The following COL11A1 variants were observed in gnomAD, a reference collection of about 807,000 sequenced individuals.
The protein encoded by COL11A1 is collagen alpha-1(XI) chain.
Under a neutral mutation model 265.2 loss-of-function variants are expected in COL11A1, and 74 were observed. That is an observed-to-expected ratio of 0.28 (90% CI 0.23 to 0.34). The LOEUF (loss-of-function observed/expected upper bound fraction) is 0.34, where lower values mean the gene tolerates loss of function less well. Ranked by LOEUF, COL11A1 falls within the 10% of genes least tolerant of loss-of-function variation. The probability of loss-of-function intolerance (pLI) is 1.00; values close to 1 mark genes in which losing one functional copy is unlikely to be tolerated. For synonymous variants in COL11A1, 816 were observed against 727.6 expected (o/e 1.12, Z -1.96); for missense variants, 2,165 against 2,263.6 (o/e 0.96, Z 0.88).
chr1:102,983,710 A>G (rs1479472565), intron 31 of COL11A1, among the ~76,000 whole-genome samples: 1 of 152,044 alleles, frequency 6.6e-6, no homozygotes, highest in East Asian at 1.9e-4. Flanking sequence ...GATTTGTCAT[A>G]GCAACCCTGG....
chr1:102,984,166 G>A lies in COL11A1; in HGVS notation c.2528C>T (p.Pro843Leu), dbSNP rs898521905. 6.3e-7 allele frequency: 1 copy of A among 1,599,342 alleles called. No individual in the cohort carries two copies. The highest frequency in any genetic ancestry group is 8.6e-7 in the Non-Finnish European group (1 of 1,169,362). ...EKGKLGVPGL[P>L]GYPGRQGPKG... ...TGGACCTTGTCTTCCTGGATATCCT[G>A]GTAATCCTGGAACTCCAAGTTTTCC... Residue 843 changes from proline (P) to leucine (L), a missense_variant, in exon 31 of 67, where the codon CCA becomes CTA. Physicochemically the swap from Pro to Leu is moderately conservative, Grantham distance 98. Coordinates refer to ENST00000370096, the MANE Select transcript of COL11A1 (RefSeq NM_001854.4).
In COL11A1 at chr1:103,078,855, T is replaced by C. The variant is rs1672182925; in HGVS notation, c.291A>G (p.Glu97=). The C allele has an allele frequency of 1.9e-6, 3 of 1,609,492 alleles. No individual in the cohort carries two copies. Among genetic ancestry groups the C allele is most frequent in the Non-Finnish European group, 2.5e-6 (3 of 1,176,934 alleles). ...KQLFPGGTFP[E]DFSILFTVKP... ...TTACTGTAAATAGTATTGAAAAGTC[T>C]TCTGGGAAAGTTCCACCTGAGAAGA... is the stretch of plus-strand genomic sequence containing the variant. The change falls in exon 3 of 67, where the codon GAA becomes GAG. Residue 97 remains glutamate (E), a synonymous_variant. Transcript: ENST00000370096.
intron 4 of COL11A1, among the ~76,000 whole-genome samples, chr1:103,050,508 T>G (rs909282741): frequency 2.0e-5 from 3 of 152,186 alleles, no homozygotes; most frequent in African/African-American, 7.2e-5. Flanking sequence ...TCGTCTAATT[T>G]TTTTTCAAAG....
intron 45 of COL11A1, 35 bp downstream of exon 45, chr1:102,935,025 G>A: frequency 6.9e-6 from 11 of 1,605,812 alleles, no homozygotes; most frequent in East Asian, 2.2e-5. Context: ...GGAGCTGTAA[G>A]GATTTAGATT....
chr1:102,978,085 A>G (rs1662675363), intron 35 of COL11A1, among the ~76,000 whole-genome samples: 1 of 152,172 alleles, frequency 6.6e-6, no homozygotes, highest in Non-Finnish European at 1.5e-5. Context: ...TTAAAGGAAT[A>G]CAGATTATAA....
chr1:103,087,423 G>A (rs975266259), intron 1 of COL11A1, among the ~76,000 whole-genome samples: 5 of 152,168 alleles, frequency 3.3e-5, no homozygotes, highest in Non-Finnish European at 7.3e-5. Flanking sequence ...TCACTCTGAT[G>A]TTTAAATTCC....
chr1:102,932,856 T>C (rs1657648707), intron 46 of COL11A1, among the ~76,000 whole-genome samples: 1 of 152,016 alleles, frequency 6.6e-6, no homozygotes, highest in African/African-American at 2.4e-5. Flanking sequence ...CTTCCCTCGC[T>C]GATACCCTTT....
At chr1:102,905,329 A>T (rs901868680) in intron 54 of COL11A1, among the ~76,000 whole-genome samples, 54 of 151,388 alleles carry the variant, frequency 3.6e-4, no homozygotes, top group African/African-American at 1.3e-3. Flanking sequence ...CATATGTAAC[A>T]AACCTACAGG....
At chr1:103,037,539 T>C (rs970614202) in intron 4 of COL11A1, among the ~76,000 whole-genome samples, 1 of 152,168 alleles carries the variant, frequency 6.6e-6, no homozygotes, top group Non-Finnish European at 1.5e-5. Context: ...TTCCATCTGA[T>C]TGAATAATGT....
intron 46 of COL11A1, among the ~76,000 whole-genome samples, chr1:102,931,728 A>C (rs553481835): frequency 6.6e-6 from 1 of 151,990 alleles, no homozygotes; most frequent in Non-Finnish European, 1.5e-5. Flanking sequence ...GTGGGAGTTA[A>C]GTCTCTTTGT....
chr1:103,107,597 G>T (rs138512304), intron 1 of COL11A1, among the ~76,000 whole-genome samples: 97 of 149,212 alleles, frequency 6.5e-4, no homozygotes, highest in Admixed American at 1.6e-3. Flanking sequence ...CTTGGTTGCA[G>T]ACAAAGAACT....
At position 102,946,943 on chromosome 1, in the gene COL11A1, TCTC is replaced by T. The variant is rs1425097423; in HGVS notation, c.3179_3181del (p.Gly1060del). 1 of 1,612,440 alleles carries T rather than the reference TCTC, an allele frequency of 6.2e-7. No homozygotes were observed. Among genetic ancestry groups the T allele is most frequent in the Non-Finnish European group, 8.5e-7 (1 of 1,179,282 alleles). On this transcript the variant is annotated inframe_deletion, in exon 42 of 67. Transcript: ENST00000370096. The stretch of plus-strand genomic sequence containing the variant: ...GCCAGCTGTACCTGCTGACCCACGT[TCTC>T]CTGGTGAGCCCTAGTATACAGGAAA...
chr1:103,005,848 T>C lies in COL11A1; in HGVS notation c.1835A>G (p.Lys612Arg). 1 of 1,614,092 alleles carries C rather than the reference T, an allele frequency of 6.2e-7. No individual in the cohort carries two copies. Among genetic ancestry groups the C allele is most frequent in the Non-Finnish European group, 8.5e-7 (1 of 1,179,992 alleles). ...FDGLPGLPGDKGHRGERGPQG... is the reference protein window; with the variant it reads ...FDGLPGLPGDRGHRGERGPQG... Reference sequence around the variant, plus strand: ...ATAGATGTATCTTACCCTGTGACCTTTGTCACCTGGCAGACCCGGAAGTCC... The same window carrying C: ...ATAGATGTATCTTACCCTGTGACCTCTGTCACCTGGCAGACCCGGAAGTCC... The change falls in exon 18 of 67, where the codon AAA (lysine) becomes AGA (arginine). Residue 612 changes from lysine to arginine, a missense_variant. Coordinates refer to ENST00000370096, the MANE Select transcript of COL11A1 (RefSeq NM_001854.4).
At chr1:103,022,216 A>C (rs892705761) in intron 8 of COL11A1, among the ~76,000 whole-genome samples, 1 of 151,930 alleles carries the variant, frequency 6.6e-6, no homozygotes. Flanking sequence ...AACCTATTAA[A>C]ATATATTTTT....
intron 28 of COL11A1, among the ~76,000 whole-genome samples, chr1:102,995,448 C>A (rs1664532333): frequency 6.6e-6 from 1 of 151,944 alleles, no homozygotes; most frequent in East Asian, 1.9e-4. Flanking sequence ...TTCTAACTTT[C>A]CTGTTTTGTG....
chr1:102,934,038 A>C (rs1288593349), intron 46 of COL11A1, among the ~76,000 whole-genome samples: 2 of 152,050 alleles, frequency 1.3e-5, no homozygotes, highest in African/African-American at 4.8e-5. Context: ...AAATGCAGAA[A>C]TCACCTGTAT....
intron 32 of COL11A1, 124 bp downstream of exon 32, chr1:102,979,258 G>A: frequency 6.6e-6 from 8 of 1,210,006 alleles, no homozygotes; most frequent in Non-Finnish European, 8.5e-6. Flanking sequence ...GGCTGGCCTG[G>A]AACTCCGGGA....
chr1:103,009,376 T>G (rs1259374643), intron 14 of COL11A1, among the ~76,000 whole-genome samples: 1 of 152,094 alleles, frequency 6.6e-6, no homozygotes, highest in Non-Finnish European at 1.5e-5. Flanking sequence ...ATAGCACCAC[T>G]GCATTCCAGC....
intron 9 of COL11A1, among the ~76,000 whole-genome samples, chr1:103,019,141 G>A (rs1266307381): frequency 6.6e-6 from 1 of 152,144 alleles, no homozygotes; most frequent in African/African-American, 2.4e-5. Flanking sequence ...CTCCCAGGAA[G>A]AGTACAGACA....
Sources: gnomAD v4.1 joint callset for allele counts (sites outside exome capture counted in the v4.1 genomes callset) on GRCh38, gnomAD v4.1.1 for gene constraint, MANE v1.5 for transcripts, NCBI Gene and HGNC (gene_info 2026-07-23, HGNC 2026-07-21) for gene names.